Variants in PREX2 observed in about 807,000 individuals in gnomAD.
PREX2 encodes the protein phosphatidylinositol 3,4,5-trisphosphate-dependent Rac exchanger 2 protein.
A neutral mutation model predicts 203.2 loss-of-function variants in PREX2; 107 were observed. The observed-to-expected ratio is 0.53, with a 90% CI of 0.45 to 0.62. The LOEUF (loss-of-function observed/expected upper bound fraction) is 0.62. PREX2 is among the 20% of genes least tolerant of loss of function. The probability of loss-of-function intolerance (pLI) is 0.00; values close to 1 mark genes in which losing one functional copy is unlikely to be tolerated. For synonymous variants in PREX2, 672 were observed against 663.6 expected (o/e 1.01, Z -0.19); for missense variants, 1,777 against 1,955.9 (o/e 0.91, Z 1.72).
chr8:68,022,033 C>T lies in PREX2; in HGVS notation c.337-3C>T. On this transcript the variant is annotated splice_polypyrimidine_tract_variant and splice_region_variant and intron_variant, in intron 3 of 39. Coordinates refer to ENST00000288368, the MANE Select transcript of PREX2 (RefSeq NM_024870.4). ...ACTAATTTATTCTTACATGAATTCA[C>T]AGAAAGACAAGTTTCGTATCTATGA... 1.5e-6 allele frequency: 2 copies of T among 1,375,110 alleles called. No homozygotes were observed. The highest frequency in any genetic ancestry group is 2.1e-6 in the Non-Finnish European group (2 of 963,398). 85.2% of individuals were successfully genotyped at this position (1,375,110 alleles called of 1,614,324 possible). A position where few individuals can be genotyped will look rare whatever the true frequency, so the allele number is the denominator to read the frequency against.
chr8:68,036,653 A>G (rs1808041842), intron 6 of PREX2, among the ~76,000 whole-genome samples: 1 of 152,182 alleles, frequency 6.6e-6, no homozygotes, highest in Non-Finnish European at 1.5e-5. Context: ...AAAAAGAAAT[A>G]ATAAAGGAAC....
chr8:68,023,737 G>C (rs1454495842), intron 4 of PREX2, among the ~76,000 whole-genome samples: 1 of 151,828 alleles, frequency 6.6e-6, no homozygotes, highest in African/African-American at 2.4e-5. Flanking sequence ...CACTTTTGAT[G>C]CTATTGTGAT....
chr8:68,001,593 G>A (rs142793618), intron 1 of PREX2, among the ~76,000 whole-genome samples: 70 of 152,116 alleles, frequency 4.6e-4, no homozygotes, highest in African/African-American at 1.6e-3. Flanking sequence ...CTCATTACTG[G>A]GTATGTATCC....
intron 33 of PREX2, among the ~76,000 whole-genome samples, chr8:68,142,625 G>A (rs2129613585): frequency 6.6e-6 from 1 of 152,238 alleles, no homozygotes; most frequent in South Asian, 2.1e-4. Context: ...TAAGTTTTCA[G>A]CTCTTTTGGG....
chr8:68,104,951 G>A (rs1810364420), intron 23 of PREX2, among the ~76,000 whole-genome samples: 1 of 152,154 alleles, frequency 6.6e-6, no homozygotes, highest in Non-Finnish European at 1.5e-5. Context: ...TTTATTTGGG[G>A]ATAAGACCTT....
chr8:67,973,519 A>C (rs1236814084), intron 1 of PREX2, among the ~76,000 whole-genome samples: 1 of 152,072 alleles, frequency 6.6e-6, no homozygotes, highest in African/African-American at 2.4e-5. Context: ...TTTCTTCTTG[A>C]ATATCCATAC....
At chr8:68,135,167 G>A (rs1208343472) in intron 32 of PREX2, among the ~76,000 whole-genome samples, 2 of 150,512 alleles carry the variant, frequency 1.3e-5, no homozygotes, top group African/African-American at 4.9e-5. Context: ...CACATGGTAG[G>A]CATCAATTAT....
intron 37 of PREX2, among the ~76,000 whole-genome samples, chr8:68,194,402 G>T (rs536472130): frequency 1.4e-4 from 21 of 152,140 alleles, no homozygotes; most frequent in Non-Finnish European, 2.8e-4. Context: ...AAGATAGGCA[G>T]ATTGAATTAG....
At chr8:68,098,938 G>GTGTGTATATA (rs1352978343) in intron 22 of PREX2, among the ~76,000 whole-genome samples, 1 of 109,806 alleles carries the variant, frequency 9.1e-6, no homozygotes. Context: ...ATATATATGT[G>GTGTGTATATA]TATATATATA....
At chr8:68,017,096 C>G (rs574700760) in intron 1 of PREX2, among the ~76,000 whole-genome samples, 1 of 152,162 alleles carries the variant, frequency 6.6e-6, no homozygotes, top group South Asian at 2.1e-4. Flanking sequence ...TTTTTCAAGG[C>G]TCAATATAAT....
intron 39 of PREX2, among the ~76,000 whole-genome samples, chr8:68,225,858 T>C (rs542349452): frequency 6.6e-6 from 1 of 152,324 alleles, no homozygotes; most frequent in South Asian, 2.1e-4. Flanking sequence ...ATTTGGATAA[T>C]AGACACAGTG....
chr8:68,011,314 A>T (rs1016324176), intron 1 of PREX2, among the ~76,000 whole-genome samples: 1 of 152,164 alleles, frequency 6.6e-6, no homozygotes, highest in Non-Finnish European at 1.5e-5. Flanking sequence ...GATCAGTATT[A>T]AAAAGTTGTG....
chr8:68,064,253 G>T (rs1302328821), intron 11 of PREX2, among the ~76,000 whole-genome samples: 1 of 152,144 alleles, frequency 6.6e-6, no homozygotes, highest in Non-Finnish European at 1.5e-5. Flanking sequence ...GCTCCTGAGA[G>T]CTGATAATTA....
At chr8:68,061,301 C>T (rs574586656) in intron 11 of PREX2, among the ~76,000 whole-genome samples, 1 of 152,278 alleles carries the variant, frequency 6.6e-6, no homozygotes, top group East Asian at 1.9e-4. Context: ...GCAGGCAGAG[C>T]CTGGATTCCA....
intron 37 of PREX2, among the ~76,000 whole-genome samples, chr8:68,207,164 A>G (rs1019995): frequency 0.16 from 24,880 of 152,138 alleles, 2,485 homozygotes; most frequent in South Asian, 0.35. Context: ...AAGTATTACC[A>G]TAATTCAAAC....
At chr8:68,077,062 C>T (rs1459229395) in intron 14 of PREX2, among the ~76,000 whole-genome samples, 2 of 152,126 alleles carry the variant, frequency 1.3e-5, no homozygotes, top group Admixed American at 1.3e-4. Flanking sequence ...TTCCCTGTTG[C>T]ATAATTGGAA....
intron 17 of PREX2, among the ~76,000 whole-genome samples, chr8:68,081,073 T>C (rs1350861659): frequency 1.3e-5 from 2 of 152,152 alleles, no homozygotes; most frequent in Admixed American, 1.3e-4. Flanking sequence ...GTGGGTATTC[T>C]ATAGCAGCCG....
chr8:68,114,264 A>G (rs200042055), intron 25 of PREX2: 3 of 497,196 alleles, frequency 6.0e-6, no homozygotes, highest in Non-Finnish European at 1.2e-5. Context: ...TATTCAATGC[A>G]CAGCATTGGG....
chr8:68,032,580 A>G (rs1202790965), intron 6 of PREX2, among the ~76,000 whole-genome samples: 2 of 152,104 alleles, frequency 1.3e-5, no homozygotes, highest in East Asian at 1.9e-4. Flanking sequence ...CGAGGGGGGA[A>G]CTTGGTTTTC....
Sources: allele counts gnomAD v4.1 joint callset (sites outside exome capture counted in the v4.1 genomes callset), GRCh38; gene constraint gnomAD v4.1.1; transcripts MANE v1.5; gene names NCBI Gene and HGNC (gene_info 2026-07-23, HGNC 2026-07-21).